The following RFX8 variants were observed in gnomAD, a reference collection of about 807,000 sequenced individuals.
RFX8 encodes the protein DNA-binding protein RFX8.
In RFX8, 46 loss-of-function variants were observed where a neutral mutation model predicts 54.6. The ratio of observed to expected loss-of-function variants is 0.84; its 90% CI spans 0.67 to 1.08. The LOEUF (loss-of-function observed/expected upper bound fraction) is 1.08. Among genes scored for constraint, RFX8 ranks in the 50% least tolerant of loss-of-function variants. The pLI, the probability that RFX8 is intolerant of heterozygous loss-of-function variation, is 0.00. For missense variants in RFX8, 536 were observed against 562.3 expected (o/e 0.95, Z 0.47); for synonymous variants, 192 against 209.5 (o/e 0.92, Z 0.72).
chr2:101,408,496 A>G (rs1367358227), intron 9 of RFX8, among the ~76,000 whole-genome samples: 7 of 147,584 alleles, frequency 4.7e-5, no homozygotes, highest in Non-Finnish European at 1.0e-4. Context: ...AAAAAAAAAC[A>G]AAAAAAACGC....
intron 6 of RFX8, among the ~76,000 whole-genome samples, chr2:101,415,446 T>G (rs1686437048): frequency 6.6e-6 from 1 of 152,206 alleles, no homozygotes; most frequent in Non-Finnish European, 1.5e-5. Flanking sequence ...TTCAGTTGTT[T>G]ATATACTGCC....
At chr2:101,422,511 A>G (rs1191837808) in intron 2 of RFX8, 39 bp from the exon 3 acceptor site, 9 of 1,206,896 alleles carry the variant, frequency 7.5e-6, no homozygotes, top group Non-Finnish European at 4.8e-6. Flanking sequence ...TCTTTAAAAT[A>G]CAATACTTTT....
intron 9 of RFX8, among the ~76,000 whole-genome samples, 184 bp from the exon 10 acceptor site, chr2:101,406,241 T>C (rs1327705047): frequency 6.6e-6 from 1 of 151,910 alleles, no homozygotes; most frequent in Non-Finnish European, 1.5e-5. Flanking sequence ...CTGTCTTCCA[T>C]GGAGACGGTT....
intron 2 of RFX8, among the ~76,000 whole-genome samples, chr2:101,446,157 T>C (rs992476280): frequency 6.6e-6 from 1 of 152,158 alleles, no homozygotes; most frequent in African/African-American, 2.4e-5. Context: ...AGTTGATCTA[T>C]TACTTTTGTT....
In RFX8 at chr2:101,466,924, G is replaced by A. The variant is rs115757451; in HGVS notation, c.-52-24C>T. On this transcript the variant is annotated intron_variant, in intron 1 of 11. Coordinates refer to ENST00000428343, the MANE Select transcript of RFX8 (RefSeq NM_001145664.2). ...ACCTGGAGGAGAGGAGGACAAGGAGGAGGAAATTGGCATTTGTTTTTCTAG... is the reference window on the plus strand; with the variant it reads ...ACCTGGAGGAGAGGAGGACAAGGAGAAGGAAATTGGCATTTGTTTTTCTAG... The A allele has an allele frequency of 8.0e-4, 860 of 1,075,482 alleles. 5 individuals carry two copies. The African/African-American group carries it at 0.012, about 15-fold the overall frequency. The allele number at this position is 1,075,482 out of a possible 1,614,324, so 66.6% of individuals were successfully genotyped here. A position where few individuals can be genotyped will look rare whatever the true frequency, so the allele number is the denominator to read the frequency against.
intron 10 of RFX8, among the ~76,000 whole-genome samples, chr2:101,404,409 G>C (rs1685610902): frequency 6.6e-6 from 1 of 152,096 alleles, no homozygotes; most frequent in South Asian, 2.1e-4. Context: ...GGTAGACTGG[G>C]AAAAGTAACA....
intron 9 of RFX8, among the ~76,000 whole-genome samples, chr2:101,408,754 C>G (rs950820778): frequency 1.1e-4 from 17 of 152,264 alleles, no homozygotes; most frequent in African/African-American, 4.1e-4. Flanking sequence ...AGGGTTGGAA[C>G]TGGCTTTCCA....
At chr2:101,461,367 A>G (rs1689273281) in intron 2 of RFX8, among the ~76,000 whole-genome samples, 1 of 152,178 alleles carries the variant, frequency 6.6e-6, no homozygotes, top group Non-Finnish European at 1.5e-5. Flanking sequence ...GAGGCTAGAA[A>G]TTCCTATTGT....
At chr2:101,436,499 C>A (rs1687790744) in intron 2 of RFX8, among the ~76,000 whole-genome samples, 1 of 152,158 alleles carries the variant, frequency 6.6e-6, no homozygotes, top group Non-Finnish European at 1.5e-5. Context: ...CTCTTTTTAA[C>A]CACCCTCACC....
At chr2:101,421,628 G>A (rs1158418194) in intron 4 of RFX8, 96 bp downstream of exon 4, 3 of 1,489,116 alleles carry the variant, frequency 2.0e-6, no homozygotes, top group African/African-American at 2.8e-5. Context: ...GACATCTGTT[G>A]ACGGGGTCTC....
At chr2:101,463,061 TCCGTCC>T (rs1180338881) in intron 2 of RFX8, among the ~76,000 whole-genome samples, 6 of 152,310 alleles carry the variant, frequency 3.9e-5, no homozygotes, top group Non-Finnish European at 8.8e-5. Flanking sequence ...TTATTATCTG[TCCGTCC>T]ATCACCCATC....
chr2:101,468,990 AAGTATATATATACG>A (rs1689738999), intron 1 of RFX8, among the ~76,000 whole-genome samples: 2 of 81,034 alleles, frequency 2.5e-5, no homozygotes, highest in East Asian at 6.2e-4. Flanking sequence ...ATATATATAT[AAGTATATATATACG>A]TATATATATA....
chr2:101,429,899 C>T (rs1027287482), intron 2 of RFX8, among the ~76,000 whole-genome samples: 1 of 152,134 alleles, frequency 6.6e-6, no homozygotes, highest in African/African-American at 2.4e-5. Context: ...AATGGCTTTC[C>T]TTCCAAATAG....
intron 2 of RFX8, chr2:101,428,935 A>G (rs1687335459): frequency 1.4e-6 from 2 of 1,464,096 alleles, no homozygotes; most frequent in South Asian, 2.4e-5. Flanking sequence ...GTTATAGTAA[A>G]TCTGTTTGAT....
chr2:101,466,612 T>C (rs369309863), intron 2 of RFX8, among the ~76,000 whole-genome samples, 165 bp downstream of exon 2: 27 of 152,332 alleles, frequency 1.8e-4, no homozygotes, highest in African/African-American at 6.5e-4. Flanking sequence ...GCTAACAGGA[T>C]GGCTCTTCAA....
At position 101,452,722 on chromosome 2, in the gene RFX8, G is replaced by A. The variant is rs186589187; in HGVS notation, c.72+14055C>T. 2.6e-3 allele frequency among the ~76,000 whole-genome samples: 395 copies of A among 152,344 alleles called. 4 individuals carry two copies. Among genetic ancestry groups the A allele is most frequent in the African/African-American group, 9.1e-3 (379 of 41,578 alleles). ...CCTGCCTGTAATGCCAACACTTTGG[G>A]AGGCTGAGGCAGGCCAATCACTTGA... On this transcript the variant is annotated intron_variant, in intron 2 of 11. Coordinates refer to ENST00000428343, the MANE Select transcript of RFX8 (RefSeq NM_001145664.2).
chr2:101,462,413 G>A (rs1689333081), intron 2 of RFX8, among the ~76,000 whole-genome samples: 1 of 152,180 alleles, frequency 6.6e-6, no homozygotes, highest in African/African-American at 2.4e-5. Context: ...CTAAGTGACA[G>A]AGCAACACTC....
At chr2:101,451,270 G>T (rs1211298342) in intron 2 of RFX8, among the ~76,000 whole-genome samples, 1 of 152,100 alleles carries the variant, frequency 6.6e-6, no homozygotes, top group Non-Finnish European at 1.5e-5. Context: ...TCCTAATTTG[G>T]CTTCAATGTC....
At chr2:101,450,578 A>C in intron 2 of RFX8, 1 of 1,352,660 alleles carries the variant, frequency 7.4e-7, no homozygotes, top group Non-Finnish European at 1.0e-6. Flanking sequence ...AAAGTGCCAA[A>C]ATGATAGCTA....
Sources: gnomAD v4.1 joint callset for allele counts (sites outside exome capture counted in the v4.1 genomes callset) on GRCh38, gnomAD v4.1.1 for gene constraint, MANE v1.5 for transcripts, NCBI Gene and HGNC (gene_info 2026-07-23, HGNC 2026-07-21) for gene names.